ARL13B: variants seen among roughly 807,000 people sequenced by gnomAD.
ARL13B encodes the protein ARF like GTPase 13B, also known as ADP-ribosylation factor-like protein 13B.
A neutral mutation model predicts 56.1 loss-of-function variants in ARL13B; 36 were observed. The observed-to-expected ratio is 0.64, with a 90% CI of 0.49 to 0.85. The LOEUF is 0.85. Ranked by LOEUF, ARL13B falls within the 40% of genes least tolerant of loss-of-function variation. The pLI is 0.00. For synonymous variants in ARL13B, 178 were observed against 171.1 expected (o/e 1.04, Z -0.32); for missense variants, 519 against 507.1 (o/e 1.02, Z -0.23).
chr3:94,006,606 C>T (rs1421979663), intron 3 of ARL13B, among the ~76,000 whole-genome samples: 3 of 152,080 alleles, frequency 2.0e-5, no homozygotes, highest in South Asian at 2.1e-4. Flanking sequence ...CTCTACACTG[C>T]CAGCAGTTCT....
At chr3:94,044,268 G>A (rs184348711) in intron 7 of ARL13B, among the ~76,000 whole-genome samples, 127 of 139,668 alleles carry the variant, frequency 9.1e-4, no homozygotes, top group Admixed American at 6.1e-3. Context: ...CTGGCCGGCC[G>A]CCCTGTCTGG....
intron 3 of ARL13B, among the ~76,000 whole-genome samples, chr3:94,022,818 A>G (rs1223802678): frequency 6.6e-6 from 1 of 152,142 alleles, no homozygotes; most frequent in African/African-American, 2.4e-5. Context: ...ACATAGATCA[A>G]GAAACATATA....
chr3:93,981,791 T>C (rs2107307959), intron 1 of ARL13B, among the ~76,000 whole-genome samples: 1 of 149,696 alleles, frequency 6.7e-6, no homozygotes, highest in East Asian at 2.0e-4. Flanking sequence ...GTAGGATCAC[T>C]TGAGCCTGGG....
Position 94,053,286 on chromosome 3 carries a change from C to T in ARL13B, c.*23C>T, listed in dbSNP as rs185653034. The stretch of plus-strand genomic sequence containing the variant: ...TAAACAAGACGTATGGAGGAGTTCT[C>T]TTAATATCAGCAAGGTGAACTGGGA... On this transcript the variant is annotated 3_prime_UTR_variant, in exon 10 of 10. Transcript: ENST00000394222. 6.2e-7 allele frequency: 1 copy of T among 1,601,892 alleles called. No individual in the cohort carries two copies. The highest frequency in any genetic ancestry group is 2.2e-5 in the East Asian group (1 of 44,796).
intron 4 of ARL13B, among the ~76,000 whole-genome samples, chr3:94,036,318 CTCT>C (rs775746772): frequency 7.2e-5 from 11 of 152,006 alleles, no homozygotes; most frequent in African/African-American, 1.9e-4. Context: ...CACTGTCACC[CTCT>C]TCTTTATAAT....
At position 93,980,332 on chromosome 3, in the gene ARL13B, G is replaced by T. The variant is rs754026490; in HGVS notation, c.-92G>T. 144 of 1,513,742 alleles carry T rather than the reference G, an allele frequency of 9.5e-5. No homozygotes were observed. Among genetic ancestry groups the T allele is most frequent in the Non-Finnish European group, 1.3e-4 (140 of 1,100,338 alleles). The allele number at this position is 1,513,742 out of a possible 1,614,324, so 93.8% of individuals were successfully genotyped here. A position where few individuals can be genotyped will look rare whatever the true frequency, so the allele number is the denominator to read the frequency against. On this transcript the variant is annotated 5_prime_UTR_variant, in exon 1 of 10. Coordinates refer to ENST00000394222, the MANE Select transcript of ARL13B (RefSeq NM_001174150.2). ...TCCTCCCGACTTATCCACTTTAGGG[G>T]CGTCTCGGAGTGCCGGAGGCCCCCG...
rs147980419 is a variant in ARL13B, at chr3:94,003,944, G to T, written c.380+36G>T. On this transcript the variant is annotated intron_variant, in intron 3 of 9. Transcript: ENST00000394222. ...TTAGCATCATTGTAAATGTAGGGAC[G>T]ATGGCATTGGCCACTAAAGAAATTT... 382 of 1,611,418 alleles carry T rather than the reference G, an allele frequency of 2.4e-4. 1 individual carries two copies. In the African/African-American group the frequency reaches 4.0e-3, roughly 17 times the overall value.
intron 6 of ARL13B, among the ~76,000 whole-genome samples, chr3:94,042,619 T>G (rs2076882026): frequency 6.6e-6 from 1 of 152,166 alleles, no homozygotes; most frequent in Admixed American, 6.5e-5. Flanking sequence ...AACAAATACA[T>G]AAGTATATAT....
Position 94,036,505 on chromosome 3 carries a change from T to G in ARL13B, c.487-47T>G, listed in dbSNP as rs762236187. On this transcript the variant is annotated intron_variant, in intron 4 of 9. Transcript: ENST00000394222. Reference sequence around the variant, plus strand: ...ATACTTAATGGTTTATGAATAGATTTGTGTGGAGACCTTTTAATCTTTTAG... The same window carrying G: ...ATACTTAATGGTTTATGAATAGATTGGTGTGGAGACCTTTTAATCTTTTAG... 3.8e-6 allele frequency: 6 copies of G among 1,576,040 alleles called. No homozygotes were observed. In the Admixed American group the frequency reaches 1.0e-4, roughly 26 times the overall value.
Position 93,997,701 on chromosome 3 carries a change from A to G in ARL13B, c.130+1757A>G, listed in dbSNP as rs1406295437. Among the ~76,000 whole-genome samples the G allele has an allele frequency of 2.0e-5, 3 of 152,200 alleles. No homozygotes were observed. In the East Asian group the frequency reaches 5.8e-4, roughly 29 times the overall value. ...AAGCAGCCATAGACCATCTGCATAC[A>G]TGCTGGGCACGGTGGCTCACACCTG... On this transcript the variant is annotated intron_variant, in intron 2 of 9. Transcript: ENST00000394222.
At chr3:94,044,279 G>C (rs1443820844) in intron 7 of ARL13B, among the ~76,000 whole-genome samples, 1 of 150,066 alleles carries the variant, frequency 6.7e-6, no homozygotes, top group Non-Finnish European at 1.5e-5. Flanking sequence ...CCCTGTCTGG[G>C]AAGTGAGGAG....
At chr3:94,034,070 G>A (rs1013240621) in intron 3 of ARL13B, among the ~76,000 whole-genome samples, 4 of 152,120 alleles carry the variant, frequency 2.6e-5, no homozygotes, top group South Asian at 2.1e-4. Flanking sequence ...AATGATATTG[G>A]AGAATATTGA....
At chr3:94,041,899 A>G (rs1210529870) in intron 6 of ARL13B, among the ~76,000 whole-genome samples, 3 of 152,122 alleles carry the variant, frequency 2.0e-5, no homozygotes, top group Admixed American at 6.5e-5. Context: ...TCTCTGCTAA[A>G]AATACAAAAA....
intron 3 of ARL13B, among the ~76,000 whole-genome samples, chr3:94,031,645 T>C (rs2076678781): frequency 6.6e-6 from 1 of 152,154 alleles, no homozygotes; most frequent in Non-Finnish European, 1.5e-5. Flanking sequence ...AAGTTCATAA[T>C]GATGCCTCTC....
rs141715175 is a variant in ARL13B, at chr3:94,031,266, C to T, written c.381-4065C>T. Among the ~76,000 whole-genome samples, 477 of 151,276 alleles carry T rather than the reference C, an allele frequency of 3.2e-3. 3 individuals carry two copies. Among genetic ancestry groups the T allele is most frequent in the African/African-American group, 0.011 (457 of 41,244 alleles). Reference sequence around the variant, plus strand: ...TTGATTTGAAATGAAAAAATCAACACGAATACATGGTTAGATTTTTTTTTT... The same window carrying T: ...TTGATTTGAAATGAAAAAATCAACATGAATACATGGTTAGATTTTTTTTTT... On this transcript the variant is annotated intron_variant, in intron 3 of 9. Transcript: ENST00000394222.
chr3:94,037,675 T>TA (rs1200661626), intron 5 of ARL13B, among the ~76,000 whole-genome samples: 1 of 151,860 alleles, frequency 6.6e-6, no homozygotes. Context: ...GTACAACCAA[T>TA]CATGCATGTT....
chr3:94,048,783 A>G (rs1008538761), intron 7 of ARL13B, among the ~76,000 whole-genome samples: 1 of 151,630 alleles, frequency 6.6e-6, no homozygotes, highest in African/African-American at 2.4e-5. Flanking sequence ...CCCCATAGAG[A>G]TGAGGTCTCC....
intron 1 of ARL13B, among the ~76,000 whole-genome samples, chr3:93,989,222 A>G (rs998039098): frequency 5.3e-5 from 8 of 152,204 alleles, no homozygotes; most frequent in African/African-American, 1.9e-4. Flanking sequence ...TAGCTTCATT[A>G]TAGTACTTTC....
chr3:94,050,835 A>G lies in ARL13B; in HGVS notation c.1153A>G (p.Thr385Ala). The change falls in exon 9 of 10, where the codon ACC becomes GCC. Residue 385 changes from threonine to alanine, a missense_variant. Transcript: ENST00000394222. ...TTCTTTTTCTTTAGTTGGCTGGGGA[A>G]CCCCTAAAGTCACTAGACTTCCAAA... ...PPPPPPVGWG[T>A]PKVTRLPKLE... The G allele has an allele frequency of 6.2e-7, 1 of 1,612,508 alleles. No individual in the cohort carries two copies. Among genetic ancestry groups the G allele is most frequent in the South Asian group, 1.1e-5 (1 of 91,062 alleles).
Sources: allele counts gnomAD v4.1 joint callset (sites outside exome capture counted in the v4.1 genomes callset), GRCh38; gene constraint gnomAD v4.1.1; transcripts MANE v1.5; gene names NCBI Gene and HGNC (gene_info 2026-07-23, HGNC 2026-07-21).